The following FOXP1 variants were observed in gnomAD, a reference collection of about 807,000 sequenced individuals.
FOXP1 encodes forkhead box P1, also known as forkhead box protein P1.
A neutral mutation model predicts 98.2 loss-of-function variants in FOXP1; 15 were observed. The observed-to-expected ratio is 0.15, with a 90% CI of 0.10 to 0.24. The LOEUF (loss-of-function observed/expected upper bound fraction) is 0.24. Ranked by LOEUF, FOXP1 falls within the 10% of genes least tolerant of loss-of-function variation. FOXP1 has a pLI of 1.00. For synonymous variants in FOXP1, 371 were observed against 314.5 expected (o/e 1.18, Z -1.90); for missense variants, 633 against 848.5 (o/e 0.75, Z 3.15).
intron 5 of FOXP1, among the ~76,000 whole-genome samples, chr3:71,261,509 G>C (rs1461159568): frequency 6.6e-6 from 1 of 151,780 alleles, no homozygotes; most frequent in Non-Finnish European, 1.5e-5. Context: ...ATCTACATTT[G>C]CTAAGATCTG....
chr3:71,527,300 C>T (rs2043468120), intron 2 of FOXP1, among the ~76,000 whole-genome samples: 2 of 152,330 alleles, frequency 1.3e-5, no homozygotes, highest in Admixed American at 1.3e-4. Flanking sequence ...ATGATTCTCT[C>T]AAGCATCAAC....
chr3:71,399,372 A>T (rs181718961), intron 3 of FOXP1, among the ~76,000 whole-genome samples: 14 of 152,358 alleles, frequency 9.2e-5, no homozygotes, highest in Admixed American at 8.5e-4. Flanking sequence ...AAATTTAAGA[A>T]AAGGTGACTA....
chr3:71,107,762 C>T (rs2057559866), intron 7 of FOXP1, among the ~76,000 whole-genome samples: 1 of 152,168 alleles, frequency 6.6e-6, no homozygotes, highest in Non-Finnish European at 1.5e-5. Context: ...TTGCCAATTT[C>T]TTCTTTAGTG....
intron 2 of FOXP1, among the ~76,000 whole-genome samples, chr3:71,504,979 T>C (rs2041697545): frequency 6.6e-6 from 1 of 152,168 alleles, no homozygotes; most frequent in Admixed American, 6.5e-5. Flanking sequence ...GCTATTATCT[T>C]ACAGATGAAC....
At chr3:70,975,168 C>G (rs1290843072) in intron 17 of FOXP1, among the ~76,000 whole-genome samples, 2 of 152,184 alleles carry the variant, frequency 1.3e-5, no homozygotes, top group Non-Finnish European at 2.9e-5. Flanking sequence ...AAGATCTAAG[C>G]TTAAATATTA....
chr3:71,453,573 T>C (rs1487695011), intron 3 of FOXP1, among the ~76,000 whole-genome samples: 1 of 152,140 alleles, frequency 6.6e-6, no homozygotes, highest in Non-Finnish European at 1.5e-5. Flanking sequence ...CACTGAAGTT[T>C]AACTCCTACT....
chr3:71,431,835 G>T (rs2084746853), intron 3 of FOXP1, among the ~76,000 whole-genome samples: 1 of 152,116 alleles, frequency 6.6e-6, no homozygotes, highest in South Asian at 2.1e-4. Context: ...TTTCTTTCCA[G>T]GTATTTATTC....
At position 71,391,631 on chromosome 3, in the gene FOXP1, G is replaced by A. The variant is rs184168911; in HGVS notation, c.-167-32387C>T. Among the ~76,000 whole-genome samples, 20 of 152,302 alleles carry A rather than the reference G, an allele frequency of 1.3e-4. No individual in the cohort carries two copies. The East Asian group carries it at 3.7e-3, about 28-fold the overall frequency. On this transcript the variant is annotated intron_variant, in intron 3 of 20. Coordinates refer to ENST00000649528, the MANE Select transcript of FOXP1 (RefSeq NM_001349338.3). ...AGGCCACAAGGTTCAAGTTAACTGC[G>A]GAGCGTTACTACACTGAACATCTGG...
At chr3:71,013,136 A>T (rs2043909176) in intron 12 of FOXP1, among the ~76,000 whole-genome samples, 1 of 152,180 alleles carries the variant, frequency 6.6e-6, no homozygotes, top group African/African-American at 2.4e-5. Flanking sequence ...GATGCTTTAT[A>T]GGTGTTATAG....
intron 5 of FOXP1, chr3:71,245,056 G>C (rs1560177895): frequency 6.6e-6 from 1 of 152,148 alleles, no homozygotes; most frequent in Non-Finnish European, 1.5e-5. Flanking sequence ...ATAAAAACAG[G>C]TTTGCATATA....
intron 4 of FOXP1, among the ~76,000 whole-genome samples, chr3:71,309,019 C>T (rs1366963702): frequency 3.3e-5 from 5 of 152,152 alleles, no homozygotes; most frequent in African/African-American, 7.2e-5. Flanking sequence ...CCTACCCTAA[C>T]CCACTCTCAC....
At chr3:70,982,222 G>T (rs1332236610) in intron 14 of FOXP1, among the ~76,000 whole-genome samples, 1 of 152,220 alleles carries the variant, frequency 6.6e-6, no homozygotes, top group Non-Finnish European at 1.5e-5. Context: ...GGGGAATGGT[G>T]TGTGTTTTTG....
chr3:71,087,640 T>C (rs1176464190), intron 7 of FOXP1, among the ~76,000 whole-genome samples: 1 of 152,228 alleles, frequency 6.6e-6, no homozygotes, highest in Non-Finnish European at 1.5e-5. Flanking sequence ...AATTTACTGA[T>C]TCAAGTTCAG....
chr3:70,963,267 C>T (rs968273171), intron 20 of FOXP1, among the ~76,000 whole-genome samples: 2 of 152,168 alleles, frequency 1.3e-5, no homozygotes, highest in African/African-American at 4.8e-5. Flanking sequence ...CACCTGATGA[C>T]ACAACCAGGT....
intron 4 of FOXP1, chr3:71,332,855 G>A (rs1473702525): frequency 2.6e-5 from 4 of 152,324 alleles, no homozygotes; most frequent in African/African-American, 4.8e-5. Context: ...TAGGTGGGAA[G>A]AAGCAGAGGG....
chr3:71,519,582 T>C (rs1463027855), intron 2 of FOXP1, among the ~76,000 whole-genome samples: 1 of 152,194 alleles, frequency 6.6e-6, no homozygotes, highest in Non-Finnish European at 1.5e-5. Context: ...TTCCCATCAC[T>C]TCTCTGGTTC....
At chr3:71,028,622 A>T (rs1350590016) in intron 11 of FOXP1, among the ~76,000 whole-genome samples, 1 of 152,210 alleles carries the variant, frequency 6.6e-6, no homozygotes, top group African/African-American at 2.4e-5. Flanking sequence ...GGTTTCATGG[A>T]AGACAATTTT....
intron 7 of FOXP1, among the ~76,000 whole-genome samples, chr3:71,080,037 C>T (rs2054242027): frequency 6.6e-6 from 1 of 152,240 alleles, no homozygotes; most frequent in Non-Finnish European, 1.5e-5. Context: ...ACCCCCAAAT[C>T]AGGTCTTGTG....
chr3:71,448,876 G>A (rs2086687542), intron 3 of FOXP1, among the ~76,000 whole-genome samples: 2 of 152,216 alleles, frequency 1.3e-5, no homozygotes, highest in Non-Finnish European at 2.9e-5. Flanking sequence ...TGGGAATGCC[G>A]GCACACGTCT....
Sources: gnomAD v4.1 joint callset for allele counts (sites outside exome capture counted in the v4.1 genomes callset) on GRCh38, gnomAD v4.1.1 for gene constraint, MANE v1.5 for transcripts, NCBI Gene and HGNC (gene_info 2026-07-23, HGNC 2026-07-21) for gene names.